KCNJ6: variants seen among roughly 807,000 people sequenced by gnomAD.
KCNJ6 encodes G protein-activated inward rectifier potassium channel 2.
Under a neutral mutation model 34.2 loss-of-function variants are expected in KCNJ6, and 9 were observed. That is an observed-to-expected ratio of 0.26 (90% confidence interval 0.16 to 0.46). KCNJ6 has a LOEUF of 0.46. KCNJ6 is among the 20% of genes least tolerant of loss of function. The pLI is 1.00. For synonymous variants in KCNJ6, 196 were observed against 207.1 expected (o/e 0.95, Z 0.46); for missense variants, 236 against 531.3 (o/e 0.44, Z 5.46).
intron 1 of KCNJ6, among the ~76,000 whole-genome samples, chr21:37,867,188 CAT>C (rs896154011): frequency 1.9e-4 from 29 of 152,062 alleles, no homozygotes; most frequent in African/African-American, 6.0e-4. Context: ...AAATATTTTC[CAT>C]ATGTTAGTTT....
At chr21:37,825,398 A>G (rs1437747949) in intron 2 of KCNJ6, among the ~76,000 whole-genome samples, 2 of 152,172 alleles carry the variant, frequency 1.3e-5, no homozygotes, top group African/African-American at 2.4e-5. Context: ...TCCTGAGGCT[A>G]CCATGAGACT....
At chr21:37,626,626 CGT>C (rs5843839) in intron 3 of KCNJ6, among the ~76,000 whole-genome samples, 2,342 of 152,152 alleles carry the variant, frequency 0.015, 36 homozygotes, top group East Asian at 0.068. Context: ...AGAAATGACA[CGT>C]GTGGTTTTTT....
At chr21:37,835,975 A>G (rs1262743350) in intron 2 of KCNJ6, among the ~76,000 whole-genome samples, 2 of 152,200 alleles carry the variant, frequency 1.3e-5, no homozygotes, top group Non-Finnish European at 2.9e-5. Context: ...CCACTTTTTG[A>G]TGCGATCTAT....
In KCNJ6 at chr21:37,914,006, GGGGTGTGTGT is replaced by G. The variant is rs201830263; in HGVS notation, c.-28+1868_-28+1877del. ...TAGCAACCCTCGTCAGAGGCGGATC[GGGGTGTGTGT>G]GTGTGTGTGTGTGTGTGTGTGTGTG... is the stretch of plus-strand genomic sequence containing the variant. On this transcript the variant is annotated intron_variant, in intron 1 of 3. Transcript: ENST00000609713. 2.0e-3 allele frequency among the ~76,000 whole-genome samples: 159 copies of G among 79,690 alleles called. 1 individual carries two copies. The highest frequency in any genetic ancestry group is 6.7e-3 in the African/African-American group (151 of 22,416). The allele number at this position is 79,690 out of a possible 152,430, so 52.3% of individuals were successfully genotyped here. A position where few individuals can be genotyped will look rare whatever the true frequency, so the allele number is the denominator to read the frequency against.
chr21:37,640,679 T>A (rs2054377047), intron 3 of KCNJ6, among the ~76,000 whole-genome samples: 1 of 152,256 alleles, frequency 6.6e-6, no homozygotes, highest in Non-Finnish European at 1.5e-5. Context: ...TTACTTTACA[T>A]ATACTTGTTC....
chr21:37,809,808 G>C (rs909874482), intron 2 of KCNJ6, among the ~76,000 whole-genome samples: 1 of 152,102 alleles, frequency 6.6e-6, no homozygotes, highest in Admixed American at 6.5e-5. Context: ...CCTTCCTTGC[G>C]ATACTGCATA....
chr21:37,824,946 G>A (rs1181776853), intron 2 of KCNJ6, among the ~76,000 whole-genome samples: 4 of 151,796 alleles, frequency 2.6e-5, no homozygotes, highest in South Asian at 4.1e-4. Flanking sequence ...GCTGCTGACC[G>A]TCCTTGGCTT....
At chr21:37,713,383 G>A (rs17229685) in intron 3 of KCNJ6, among the ~76,000 whole-genome samples, 1,892 of 152,200 alleles carry the variant, frequency 0.012, 22 homozygotes, top group South Asian at 0.027. Context: ...TACTTTCCCC[G>A]TGAGGCACTA....
At chr21:37,819,716 C>A (rs2055364663) in intron 2 of KCNJ6, among the ~76,000 whole-genome samples, 1 of 152,054 alleles carries the variant, frequency 6.6e-6, no homozygotes, top group Non-Finnish European at 1.5e-5. Flanking sequence ...TGTTTATTTT[C>A]ATTATAGATT....
intron 2 of KCNJ6, among the ~76,000 whole-genome samples, chr21:37,837,449 C>A (rs542984792): frequency 6.6e-6 from 1 of 152,126 alleles, no homozygotes; most frequent in African/African-American, 2.4e-5. Flanking sequence ...TGGCACGTAG[C>A]GGAAAGAAAT....
At chr21:37,766,758 G>A (rs2123500102) in intron 2 of KCNJ6, among the ~76,000 whole-genome samples, 1 of 152,302 alleles carries the variant, frequency 6.6e-6, no homozygotes, top group East Asian at 1.9e-4. Context: ...TGGCCTGTTA[G>A]GAACTGGGCC....
At chr21:37,863,846 G>T (rs1299611736) in intron 1 of KCNJ6, among the ~76,000 whole-genome samples, 2 of 97,068 alleles carry the variant, frequency 2.1e-5, no homozygotes, top group African/African-American at 4.3e-5. Flanking sequence ...AAATATAAAG[G>T]TTTTTTTTTT....
At chr21:37,769,258 C>T (rs1207834912) in intron 2 of KCNJ6, among the ~76,000 whole-genome samples, 1 of 151,988 alleles carries the variant, frequency 6.6e-6, no homozygotes, top group African/African-American at 2.4e-5. Flanking sequence ...TGTAAGGTCA[C>T]ATGGAAAAGG....
chr21:37,811,557 AG>A (rs1285229227), intron 2 of KCNJ6, among the ~76,000 whole-genome samples: 1 of 152,196 alleles, frequency 6.6e-6, no homozygotes, highest in Non-Finnish European at 1.5e-5. Context: ...TGTGGGAAAG[AG>A]CCTGCACATC....
chr21:37,769,273 T>A (rs2055106303), intron 2 of KCNJ6, among the ~76,000 whole-genome samples: 1 of 152,130 alleles, frequency 6.6e-6, no homozygotes, highest in African/African-American at 2.4e-5. Flanking sequence ...AAAAGGTGGC[T>A]AATGTGTGTA....
At chr21:37,863,687 GA>G (rs2055605795) in intron 1 of KCNJ6, among the ~76,000 whole-genome samples, 1 of 152,008 alleles carries the variant, frequency 6.6e-6, no homozygotes, top group Admixed American at 6.5e-5. Flanking sequence ...CTGGAATTAA[GA>G]GCTAATAGGT....
At chr21:37,814,566 G>C (rs578226798) in intron 2 of KCNJ6, among the ~76,000 whole-genome samples, 2 of 152,190 alleles carry the variant, frequency 1.3e-5, no homozygotes, top group Non-Finnish European at 2.9e-5. Flanking sequence ...TATAGAAAAT[G>C]TGGTATACGT....
At chr21:37,653,264 C>T (rs2054442094) in intron 3 of KCNJ6, among the ~76,000 whole-genome samples, 1 of 152,242 alleles carries the variant, frequency 6.6e-6, no homozygotes, top group East Asian at 1.9e-4. Context: ...GAAGTGAAGA[C>T]AGGAAACGAT....
At chr21:37,827,951 G>T (rs2055406641) in intron 2 of KCNJ6, among the ~76,000 whole-genome samples, 1 of 152,142 alleles carries the variant, frequency 6.6e-6, no homozygotes, top group East Asian at 1.9e-4. Flanking sequence ...GGACCAGAGG[G>T]GTTAAGTGAG....
Sources: allele counts gnomAD v4.1 joint callset (sites outside exome capture counted in the v4.1 genomes callset), GRCh38; gene constraint gnomAD v4.1.1; transcripts MANE v1.5; gene names NCBI Gene and HGNC (gene_info 2026-07-23, HGNC 2026-07-21).